Variants in PYGM observed in about 807,000 individuals in gnomAD.
The protein encoded by PYGM is glycogen phosphorylase, muscle form.
Under a neutral mutation model 99.3 loss-of-function variants are expected in PYGM, and 81 were observed. The ratio of observed to expected loss-of-function variants is 0.82; its 90% CI spans 0.68 to 0.98. The LOEUF (loss-of-function observed/expected upper bound fraction) is 0.98. Ranked by LOEUF, PYGM falls within the 50% of genes least tolerant of loss-of-function variation. The pLI, the probability that PYGM is intolerant of heterozygous loss-of-function variation, is 0.00. For missense variants in PYGM, 1,030 were observed against 1,158.1 expected, an observed-to-expected ratio of 0.89 and a Z score of 1.61; for synonymous variants, 436 against 451.5, an observed-to-expected ratio of 0.97 and a Z score of 0.44.
rs760281187 is a variant in PYGM at position 64,753,550 on chromosome 11, G to A, written c.1372C>T (p.Arg458Cys). 4 of 1,598,342 alleles carry A rather than the reference G, an allele frequency of 2.5e-6. No homozygotes were observed. The highest frequency in any genetic ancestry group is 1.7e-5 in the Admixed American group (1 of 58,822). ...AGSHAVNGVA[R>C]IHSEILKKTI... Reference sequence around the variant, plus strand: ...TTCTTGAGGATCTCGGAGTGGATGCGCGCCACGCCGTTGACGGCGTGCGAC... The same window carrying A: ...TTCTTGAGGATCTCGGAGTGGATGCACGCCACGCCGTTGACGGCGTGCGAC... The change falls in exon 11 of 20, where the codon CGC (arginine) becomes TGC (cysteine). Residue 458 changes from arginine to cysteine, a missense_variant. Arg to Cys is a radical substitution (Grantham distance 180). Coordinates refer to ENST00000164139, the MANE Select transcript of PYGM (RefSeq NM_005609.4).
intron 11 of PYGM, 59 bp from the exon 12 acceptor site, chr11:64,753,246 C>A: frequency 5.4e-6 from 8 of 1,481,294 alleles, no homozygotes; most frequent in Non-Finnish European, 7.5e-6. Flanking sequence ...AGGCCTCTGC[C>A]CTGGGGCCCC....
At position 64,750,255 on chromosome 11, in the gene PYGM, G is replaced by A. The variant is rs1490850021; in HGVS notation, c.2177+121C>T. On this transcript the variant is annotated intron_variant, in intron 17 of 19. Coordinates refer to ENST00000164139, the MANE Select transcript of PYGM (RefSeq NM_005609.4). Reference sequence around the variant, plus strand: ...CTCTAAAGTTTCCCAGAATCCTGCTGGCCATGACCAAGACCTTGCTGGGCC... The same window carrying A: ...CTCTAAAGTTTCCCAGAATCCTGCTAGCCATGACCAAGACCTTGCTGGGCC... 6.6e-6 allele frequency: 7 copies of A among 1,053,514 alleles called. No individual in the cohort carries two copies. The South Asian group carries it at 8.8e-5, about 13-fold the overall frequency. 65.3% of individuals were successfully genotyped at this position (1,053,514 alleles called of 1,614,324 possible).
At position 64,754,205 on chromosome 11, in the gene PYGM, C is replaced by T. The variant is rs752400478; in HGVS notation, c.1092+48G>A. ...CCACGCTCCCAAACTGGGAAGGGAA[C>T]CCCGAGGCAGAGAGCATCAGATGGG... On this transcript the variant is annotated intron_variant, in intron 9 of 19. Coordinates refer to ENST00000164139, the MANE Select transcript of PYGM (RefSeq NM_005609.4). This position sits in a 1 kb window ranked among gnomAD's most constrained non-coding sequence, Gnocchi z 5.5. The T allele has an allele frequency of 1.9e-6, 3 of 1,588,808 alleles. No individual in the cohort carries two copies. In the East Asian group the frequency reaches 6.7e-5, roughly 36 times the overall value.
At chr11:64,760,124 C>T (rs2058425276), upstream of PYGM, 2 of 658,440 alleles carry the variant, frequency 3.0e-6, no homozygotes, top group Non-Finnish European at 2.5e-6. Context: ...GTGAGCTCCA[C>T]TTGGGCCGCC....
In PYGM at chr11:64,750,775, C is replaced by A. The variant is rs547942876; in HGVS notation, c.1970-192G>T. On this transcript the variant is annotated intron_variant, in intron 16 of 19. Transcript: ENST00000164139. ...CCTCTACCTCTTGTTGATTCTTGACCATCTAGGTCCAACCTGGATTTCCCC... is the reference window on the plus strand; with the variant it reads ...CCTCTACCTCTTGTTGATTCTTGACAATCTAGGTCCAACCTGGATTTCCCC... 2.0e-5 allele frequency among the ~76,000 whole-genome samples: 3 copies of A among 152,338 alleles called. No homozygotes were observed. In the South Asian group the frequency reaches 6.2e-4, roughly 32 times the overall value.
At chr11:64,746,831 G>A (rs768793401) in intron 19 of PYGM, 23 bp from the exon 20 acceptor site, 2 of 1,614,158 alleles carry the variant, frequency 1.2e-6, no homozygotes, top group Admixed American at 3.3e-5. Flanking sequence ...GGGAAGCTCT[G>A]GTTCACTCTG....
Position 64,759,826 on chromosome 11 carries a change from C to T in PYGM, c.73G>A (p.Val25Met), listed in dbSNP as rs146845353. 3.1e-6 allele frequency: 5 copies of T among 1,614,028 alleles called. No individual in the cohort carries two copies. The highest frequency in any genetic ancestry group is 1.6e-4 in the Middle Eastern group (1 of 6,084). ...SVRGLAGVENVTELKKNFNRH... is the reference protein window; with the variant it reads ...SVRGLAGVENMTELKKNFNRH... ...TTGAAGTTCTTTTTCAGCTCAGTCACGTTCTCCACGCCGGCCAGGCCACGC... is the reference window on the plus strand; with the variant it reads ...TTGAAGTTCTTTTTCAGCTCAGTCATGTTCTCCACGCCGGCCAGGCCACGC... The change falls in exon 1 of 20, where the codon GTG becomes ATG. Residue 25 changes from valine to methionine, a missense_variant. Val to Met is a conservative substitution (Grantham distance 21). Transcript: ENST00000164139.
chr11:64,751,373 G>A lies in PYGM; in HGVS notation c.1921C>T (p.Leu641Phe). 1 of 1,614,162 alleles carries A rather than the reference G, an allele frequency of 6.2e-7. No homozygotes were observed. The highest frequency in any genetic ancestry group is 8.5e-7 in the Non-Finnish European group (1 of 1,180,030). ...TAGTTCTCCAGGAAGATGACACGGA[G>A]GCGGTCACCCACTGCCGGGTCATGG... is the stretch of plus-strand genomic sequence containing the variant. ...VNHDPAVGDR[L>F]RVIFLENYRV... The change falls in exon 16 of 20, where the codon CTC (leucine) becomes TTC (phenylalanine). Residue 641 changes from leucine to phenylalanine, a missense_variant. Physicochemically the swap from Leu to Phe is conservative, Grantham distance 22. Transcript: ENST00000164139.
Position 64,759,662 on chromosome 11 carries a change from G to A in PYGM, c.237C>T (p.Asp79=), listed in dbSNP as rs1455517747. 3 of 1,613,744 alleles carry A rather than the reference G, an allele frequency of 1.9e-6. No homozygotes were observed. Among genetic ancestry groups the A allele is most frequent in the Non-Finnish European group, 2.5e-6 (3 of 1,179,912 alleles). ...CCAGGCTCCCCAGCAGCACCTTGGG[G>A]TCCTTCTCATAGTAGTGCTGCTGCG... ...IRTQQHYYEK[D]PKRIYYLSLE... The change falls in exon 1 of 20, where the codon GAC becomes GAT. Residue 79 remains aspartate (D), a synonymous_variant. Transcript: ENST00000164139.
Position 64,753,500 on chromosome 11 carries a change from T to C in PYGM, c.1403+19A>G, listed in dbSNP as rs1245671827. ...GGGTGGGGCCTAGAGAGGGGCGGGATCTGGAAAGCGGGGCTCACATGGTCT... is the reference window on the plus strand; with the variant it reads ...GGGTGGGGCCTAGAGAGGGGCGGGACCTGGAAAGCGGGGCTCACATGGTCT... On this transcript the variant is annotated intron_variant, in intron 11 of 19. Coordinates refer to ENST00000164139, the MANE Select transcript of PYGM (RefSeq NM_005609.4). 1 of 1,570,826 alleles carries C rather than the reference T, an allele frequency of 6.4e-7. No individual in the cohort carries two copies. The highest frequency in any genetic ancestry group is 8.6e-7 in the Non-Finnish European group (1 of 1,163,720).
rs762779955 is a variant in PYGM, at chr11:64,755,296, G to A, written c.832C>T (p.Arg278Cys). ...LDRNLAENIS[R>C]VLYPNDNFFE... ...ACATTATCATTGGGGTACAGGACAC[G>A]AGAGATGTTCTCCGCCAGGTTTCGG... is the stretch of plus-strand genomic sequence containing the variant. Residue 278 changes from arginine to cysteine, a missense_variant, in exon 7 of 20, where the codon CGT (arginine) becomes TGT (cysteine). Arg to Cys is a radical substitution (Grantham distance 180). Transcript: ENST00000164139. The surrounding 1 kb of genome is among the most constrained non-coding windows in gnomAD (Gnocchi z 4.1). 3.2e-5 allele frequency: 51 copies of A among 1,613,960 alleles called. No individual in the cohort carries two copies. The South Asian group carries it at 4.7e-4, about 15-fold the overall frequency.
Position 64,754,543 on chromosome 11 carries a change from C to T in PYGM, c.999+150G>A. 8.0e-7 allele frequency: 1 copy of T among 1,253,412 alleles called. No individual in the cohort carries two copies. Among genetic ancestry groups the T allele is most frequent in the Non-Finnish European group, 1.1e-6 (1 of 898,448 alleles). The allele number at this position is 1,253,412 out of a possible 1,614,324, so 77.6% of individuals were successfully genotyped here. On this transcript the variant is annotated intron_variant, in intron 8 of 19. Coordinates refer to ENST00000164139, the MANE Select transcript of PYGM (RefSeq NM_005609.4). The surrounding 1 kb of genome is among the most constrained non-coding windows in gnomAD (Gnocchi z 5.5). Reference sequence around the variant, plus strand: ...GGAGGAGGGAAGCCCAGGTTCTGAGCCTGTGGATTGTGAATCCTGAACAAC... The same window carrying T: ...GGAGGAGGGAAGCCCAGGTTCTGAGTCTGTGGATTGTGAATCCTGAACAAC...
At position 64,752,517 on chromosome 11, in the gene PYGM, G is replaced by A. The variant is rs369197486; in HGVS notation, c.1519-13C>T. The A allele has an allele frequency of 3.1e-6, 5 of 1,609,310 alleles. No individual in the cohort carries two copies. The highest frequency in any genetic ancestry group is 1.7e-4 in the Middle Eastern group (1 of 6,052). ...CCTCCCCGATGCGCTATGGGAAGAC[G>A]GCTCTCAGCCAAGCCCATCCCCATG... On this transcript the variant is annotated splice_polypyrimidine_tract_variant and intron_variant, in intron 12 of 19. Coordinates refer to ENST00000164139, the MANE Select transcript of PYGM (RefSeq NM_005609.4).
At chr11:64,752,737 C>T (rs750075395) in intron 12 of PYGM, among the ~76,000 whole-genome samples, 3 of 152,210 alleles carry the variant, frequency 2.0e-5, no homozygotes, top group Non-Finnish European at 4.4e-5. Flanking sequence ...GCAGGCCTTC[C>T]TGGCTTCCTG....
rs374937711 is a variant in PYGM at position 64,753,870 on chromosome 11, C to T, written c.1239+9G>A. 6.0e-5 allele frequency: 94 copies of T among 1,565,642 alleles called. No individual in the cohort carries two copies. The highest frequency in any genetic ancestry group is 2.8e-4 in the Admixed American group (15 of 53,144). ...ACCCCCACACCATCCCCCAAGCCTC[C>T]GGACTCACGTTGAGGAAGCGCTGGT... On this transcript the variant is annotated intron_variant, in intron 10 of 19. Transcript: ENST00000164139.
intron 11 of PYGM, 61 bp downstream of exon 11, chr11:64,753,458 T>C (rs2058370348): frequency 9.2e-6 from 14 of 1,516,892 alleles, no homozygotes; most frequent in Non-Finnish European, 1.2e-5. Context: ...GGCTTCTGTG[T>C]GACAGAGGCG....
chr11:64,756,598 G>A (rs946472743), intron 5 of PYGM, among the ~76,000 whole-genome samples: 13 of 152,068 alleles, frequency 8.5e-5, no homozygotes, highest in African/African-American at 2.4e-4. Flanking sequence ...TTACAGGCAC[G>A]TGCCACCATG....
At position 64,754,915 on chromosome 11, in the gene PYGM, C is replaced by T. The variant is rs2058384468; in HGVS notation, c.856-79G>A. 58 of 1,576,374 alleles carry T rather than the reference C, an allele frequency of 3.7e-5. No homozygotes were observed. In the South Asian group the frequency reaches 6.4e-4, roughly 18 times the overall value. On this transcript the variant is annotated intron_variant, in intron 7 of 19. Coordinates refer to ENST00000164139, the MANE Select transcript of PYGM (RefSeq NM_005609.4). The surrounding 1 kb of genome is among the most constrained non-coding windows in gnomAD (Gnocchi z 5.5). ...CTGCGGTGGGTGTGGCCAGGAGGGA[C>T]TCCCACCCATACCGGGACCCCTGAG...
At chr11:64,758,089 A>G (rs1444811606) in intron 4 of PYGM, among the ~76,000 whole-genome samples, 157 bp downstream of exon 4, 8 of 148,110 alleles carry the variant, frequency 5.4e-5, no homozygotes, top group Non-Finnish European at 1.2e-4. Context: ...CACCTGTTTC[A>G]GGGGCACCAG....
Sources: gnomAD v4.1 joint callset for allele counts (sites outside exome capture counted in the v4.1 genomes callset) on GRCh38, gnomAD v4.1.1 for gene constraint, Gnocchi (gnomAD v3.1) non-coding constraint, MANE v1.5 for transcripts, NCBI Gene and HGNC (gene_info 2026-07-23, HGNC 2026-07-21) for gene names.